ZNF841: variants seen among roughly 807,000 people sequenced by gnomAD.
The protein encoded by ZNF841 is zinc finger protein 841.
Under a neutral mutation model 13.0 loss-of-function variants are expected in ZNF841, and 11 were observed. That is an observed-to-expected ratio of 0.85 (90% CI 0.53 to 1.40). ZNF841 has a LOEUF of 1.40. Among genes scored for constraint, ZNF841 ranks in the 40% most tolerant of loss-of-function variants. The pLI, the probability that ZNF841 is intolerant of heterozygous loss-of-function variation, is 0.00. For synonymous variants in ZNF841, 369 were observed against 381.6 expected (o/e 0.97, Z 0.38); for missense variants, 1,068 against 1,139.5 (o/e 0.94, Z 0.90).
intron 4 of ZNF841, among the ~76,000 whole-genome samples, chr19:52,083,490 T>A (rs543787704): frequency 4.5e-4 from 68 of 152,114 alleles, no homozygotes; most frequent in East Asian, 1.9e-4. Flanking sequence ...AAAATAAAAA[T>A]TCTTTGTATT....
At chr19:52,078,566 G>C (rs1438012192) in intron 4 of ZNF841, among the ~76,000 whole-genome samples, 4 of 152,022 alleles carry the variant, frequency 2.6e-5, no homozygotes, top group South Asian at 4.2e-4. Context: ...GGGTGTGGTG[G>C]CCGGCGCCTG....
chr19:52,063,921 A>T (rs1352676652), downstream of ZNF841, among the ~76,000 whole-genome samples: 1 of 152,000 alleles, frequency 6.6e-6, no homozygotes. Flanking sequence ...TTTGTAAAGC[A>T]TATCTGCACT....
chr19:52,065,689 A>C lies in ZNF841; in HGVS notation c.2193T>G (p.His731Gln). The C allele has an allele frequency of 6.2e-7, 1 of 1,603,348 alleles. No individual in the cohort carries two copies. The highest frequency in any genetic ancestry group is 8.5e-7 in the Non-Finnish European group (1 of 1,174,334). ...TACATTTGTATGGCATCTCTCCAGT[A>C]TGTCTTCTCTGATGGTACACCAGAC... ...KTSLVYHQRR[H>Q]TGEMPYKCIE... is the part of the protein sequence containing the mutation. The change falls in exon 7 of 7, where the codon CAT (histidine) becomes CAG (glutamine). Residue 731 changes from histidine to glutamine, a missense_variant. Physicochemically the swap from His to Gln is conservative, Grantham distance 24 (BLOSUM62 0). Coordinates refer to ENST00000594440, the MANE Select transcript of ZNF841 (RefSeq NM_001136499.2).
At chr19:52,067,841 C>CA (rs1338167451) in intron 6 of ZNF841, among the ~76,000 whole-genome samples, 1 of 152,052 alleles carries the variant, frequency 6.6e-6, no homozygotes, top group Non-Finnish European at 1.5e-5. Context: ...AAACATCCTT[C>CA]GACCAAAAGA....
chr19:52,067,153 C>CA lies in ZNF841; in HGVS notation c.728dup (p.Leu243PhefsTer15). On this transcript the variant is annotated frameshift_variant, in exon 7 of 7. Coordinates refer to ENST00000594440, the MANE Select transcript of ZNF841 (RefSeq NM_001136499.2). LOFTEE classifies it low-confidence loss of function (END_TRUNC). Reference sequence around the variant, plus strand: ...CGTCTTGTGTAGGTAACGAAAGTTGCAAAAAATCATTCCCATATTTCCTAG... The same window carrying CA: ...CGTCTTGTGTAGGTAACGAAAGTTGCAAAAAAATCATTCCCATATTTCCTAG... 1 of 1,554,092 alleles carries CA rather than the reference C, an allele frequency of 6.4e-7. No individual in the cohort carries two copies. Among genetic ancestry groups the CA allele is most frequent in the Non-Finnish European group, 8.7e-7 (1 of 1,148,092 alleles).
At chr19:52,092,711 G>A (rs2088539720) in intron 2 of ZNF841, among the ~76,000 whole-genome samples, 1 of 152,284 alleles carries the variant, frequency 6.6e-6, no homozygotes, top group African/African-American at 2.4e-5. Flanking sequence ...GCAGTTCATG[G>A]CTGTAATCCC....
At chr19:52,090,648 AAG>A (rs2088444260) in intron 2 of ZNF841, among the ~76,000 whole-genome samples, 1 of 127,676 alleles carries the variant, frequency 7.8e-6, no homozygotes, top group Non-Finnish European at 1.6e-5. Context: ...GGAAGGAAGG[AAG>A]GAAGGAAAGA....
At chr19:52,060,978 A>G (rs1034601666), downstream of ZNF841, among the ~76,000 whole-genome samples, 1 of 152,190 alleles carries the variant, frequency 6.6e-6, no homozygotes, top group Non-Finnish European at 1.5e-5. Context: ...GAGAGCGTTA[A>G]AGGGTTGTTT....
rs1168756018 is a variant in ZNF841 at position 52,069,008 on chromosome 19, T to C, written c.272-1398A>G. On this transcript the variant is annotated intron_variant, in intron 6 of 6. Transcript: ENST00000594440. ...AACTTGGGAAAGGAAATCAGAAATC[T>C]CAGTTATGATTTCATGCCTACAACT... 5.3e-5 allele frequency among the ~76,000 whole-genome samples: 8 copies of C among 152,244 alleles called. No individual in the cohort carries two copies. In the East Asian group the frequency reaches 1.5e-3, roughly 29 times the overall value.
intron 4 of ZNF841, among the ~76,000 whole-genome samples, chr19:52,081,015 T>C (rs538802312): frequency 6.6e-6 from 1 of 152,216 alleles, no homozygotes; most frequent in Admixed American, 6.5e-5. Flanking sequence ...ACTAAAGAAA[T>C]GGTGATTTAA....
In ZNF841 at chr19:52,067,513, G is replaced by C; in HGVS notation, c.369C>G (p.Ser123Arg). ...FQAVMLEGHE[S>R]YDTENFYFRE... is the part of the protein sequence containing the mutation. ...TGAAGTAAAAATTTTCAGTGTCATAGCTTTCATGTCCTTCCAACATCACTG... is the reference window on the plus strand; with the variant it reads ...TGAAGTAAAAATTTTCAGTGTCATACCTTTCATGTCCTTCCAACATCACTG... The change falls in exon 7 of 7, where the codon AGC (serine) becomes AGG (arginine). Residue 123 changes from serine to arginine, a missense_variant. Transcript: ENST00000594440. The C allele has an allele frequency of 1.3e-6, 2 of 1,595,936 alleles. No individual in the cohort carries two copies. The highest frequency in any genetic ancestry group is 8.5e-7 in the Non-Finnish European group (1 of 1,169,714).
chr19:52,094,565 T>G (rs2088610102), intron 1 of ZNF841, among the ~76,000 whole-genome samples: 1 of 152,106 alleles, frequency 6.6e-6, no homozygotes, highest in South Asian at 2.1e-4. Context: ...TTCCCCCATC[T>G]AAGCTCCCTC....
chr19:52,072,707 T>C (rs963264383), intron 6 of ZNF841, among the ~76,000 whole-genome samples: 13 of 152,086 alleles, frequency 8.5e-5, no homozygotes, highest in African/African-American at 3.1e-4. Context: ...TAATCCCAGC[T>C]ACTCGGGAGG....
chr19:52,075,044 A>T (rs2087854620), intron 6 of ZNF841, among the ~76,000 whole-genome samples: 1 of 152,228 alleles, frequency 6.6e-6, no homozygotes, highest in South Asian at 2.1e-4. Flanking sequence ...TCATTACTCA[A>T]AGTGCTCTCC....
intron 3 of ZNF841, among the ~76,000 whole-genome samples, chr19:52,088,311 A>G (rs370066740): frequency 3.7e-4 from 57 of 152,332 alleles, no homozygotes; most frequent in African/African-American, 1.3e-3. Flanking sequence ...GTATGGGTCC[A>G]TTTATAAAAG....
intron 3 of ZNF841, among the ~76,000 whole-genome samples, chr19:52,085,245 A>T (rs1410357520): frequency 6.6e-6 from 1 of 152,238 alleles, no homozygotes; most frequent in African/African-American, 2.4e-5. Flanking sequence ...CTGGACGCTC[A>T]ATGCTGGATA....
At position 52,076,132 on chromosome 19, in the gene ZNF841, C is replaced by T. The variant is rs1216686318; in HGVS notation, c.183G>A (p.Glu61=). The T allele has an allele frequency of 1.3e-5, 21 of 1,557,116 alleles. No homozygotes were observed. In the Admixed American group the frequency reaches 4.1e-4, roughly 30 times the overall value. The change falls in exon 6 of 7, where the codon GAG becomes GAA. Residue 61 remains glutamate (E), a synonymous_variant. Coordinates refer to ENST00000594440, the MANE Select transcript of ZNF841 (RefSeq NM_001136499.2). ...CCACAGTCCAGGGCTCTTTCCCTTG[C>T]TCCAACATGGAGATAATATTCAGGT... The part of the protein sequence containing the change: ...LPDLNIISML[E]QGKEPWTVVS...
At chr19:52,061,536 TCCC>T (rs954185036), downstream of ZNF841, among the ~76,000 whole-genome samples, 1 of 151,236 alleles carries the variant, frequency 6.6e-6, no homozygotes, top group African/African-American at 2.4e-5. Context: ...TTATAGATGA[TCCC>T]CCCCACTCTT....
At chr19:52,070,833 G>A (rs1267608013) in intron 6 of ZNF841, among the ~76,000 whole-genome samples, 1 of 152,204 alleles carries the variant, frequency 6.6e-6, no homozygotes, top group Non-Finnish European at 1.5e-5. Flanking sequence ...CCCTTACAGA[G>A]TGAGAGTAGC....
Sources: allele counts gnomAD v4.1 joint callset (sites outside exome capture counted in the v4.1 genomes callset), GRCh38; gene constraint gnomAD v4.1.1; transcripts MANE v1.5; gene names NCBI Gene and HGNC (gene_info 2026-07-23, HGNC 2026-07-21).